The following UHRF1 variants were observed in gnomAD, a reference collection of about 807,000 sequenced individuals.
UHRF1 encodes E3 ubiquitin-protein ligase UHRF1.
UHRF1 carries 9 observed loss-of-function variants against 96.5 expected under a neutral mutation model. That is an observed-to-expected ratio of 0.09 (90% CI 0.06 to 0.16). The LOEUF (loss-of-function observed/expected upper bound fraction) is 0.16, where lower values mean the gene tolerates loss of function less well. UHRF1 is among the 10% of genes least tolerant of loss of function. The pLI is 1.00. For missense variants in UHRF1, 626 were observed against 1,131.1 expected, an observed-to-expected ratio of 0.55 and a Z score of 6.40; for synonymous variants, 455 against 469.9, an observed-to-expected ratio of 0.97 and a Z score of 0.41.
At position 4,932,837 on chromosome 19, in the gene UHRF1, G is replaced by A. The variant is rs2033098695; in HGVS notation, c.666G>A (p.Val222=). Residue 222 remains valine (V), a synonymous_variant, in exon 5 of 17, where the codon GTG becomes GTA. Coordinates refer to ENST00000650932, the MANE Select transcript of UHRF1 (RefSeq NM_001048201.3). ...GGCAGGACCTGGAGGTGGGCCAGGT[G>A]GTCATGCTCAACTACAACCCCGACA... The part of the protein sequence containing the change: ...IKWQDLEVGQ[V]VMLNYNPDNP... The A allele has an allele frequency of 1.9e-6, 3 of 1,613,770 alleles. No individual in the cohort carries two copies. Among genetic ancestry groups the A allele is most frequent in the Non-Finnish European group, 2.5e-6 (3 of 1,179,908 alleles).
chr19:4,936,931 C>A (rs1221780658), intron 5 of UHRF1, among the ~76,000 whole-genome samples: 1 of 151,974 alleles, frequency 6.6e-6, no homozygotes, highest in East Asian at 1.9e-4. Flanking sequence ...GACATTGATA[C>A]AGTCAAAAGT....
rs372765490 is a variant in UHRF1 at position 4,944,214 on chromosome 19, A to T, written c.1156A>T (p.Met386Leu). The change falls in exon 8 of 17, where the codon ATG (methionine) becomes TTG (leucine). Residue 386 changes from methionine (M) to leucine (L), a missense_variant. Physicochemically the swap from Met to Leu is conservative, Grantham distance 15 (BLOSUM62 2). Coordinates refer to ENST00000650932, the MANE Select transcript of UHRF1 (RefSeq NM_001048201.3). ...GAGAGAGAGCAAGAAGAAGGCGAAG[A>T]TGGCCTCGGCCACATCGTCCTCACA... ...RLRESKKKAK[M>L]ASATSSSQRD... The T allele has an allele frequency of 3.9e-5, 63 of 1,614,032 alleles. 1 individual carries two copies. In the African/African-American group the frequency reaches 7.9e-4, roughly 20 times the overall value.
At chr19:4,928,964 G>A (rs1042850725) in intron 2 of UHRF1, among the ~76,000 whole-genome samples, 2 of 152,200 alleles carry the variant, frequency 1.3e-5, no homozygotes, top group Admixed American at 6.5e-5. Flanking sequence ...ATGATGTTTT[G>A]TGCTTCTGGG....
At position 4,954,291 on chromosome 19, in the gene UHRF1, G is replaced by A. The variant is rs1410294760; in HGVS notation, c.1819-59G>A. 3.2e-6 allele frequency: 5 copies of A among 1,583,780 alleles called. No homozygotes were observed. Among genetic ancestry groups the A allele is most frequent in the Admixed American group, 3.7e-5 (2 of 54,328 alleles). The stretch of plus-strand genomic sequence containing the variant: ...CCTGGCAAGGAGGCTGGAAGAGCGG[G>A]CTCTGCATAGCGTGTGGGCCCCAAG... On this transcript the variant is annotated intron_variant, in intron 13 of 16. Coordinates refer to ENST00000650932, the MANE Select transcript of UHRF1 (RefSeq NM_001048201.3). The surrounding 1 kb of genome is among the most constrained non-coding windows in gnomAD (Gnocchi z 5.9).
chr19:4,923,340 C>T (rs2032763652), intron 2 of UHRF1, among the ~76,000 whole-genome samples: 1 of 152,168 alleles, frequency 6.6e-6, no homozygotes, highest in African/African-American at 2.4e-5. Context: ...TGGCCCCCAG[C>T]CACCCTGCTG....
At chr19:4,945,379 C>T (rs1376548260) in intron 9 of UHRF1, among the ~76,000 whole-genome samples, 1 of 152,188 alleles carries the variant, frequency 6.6e-6, no homozygotes, top group Non-Finnish European at 1.5e-5. Context: ...CTGCCTCAGC[C>T]TCCCCAATAG....
intron 2 of UHRF1, among the ~76,000 whole-genome samples, chr19:4,926,145 C>T (rs925155020): frequency 5.4e-5 from 8 of 149,128 alleles, no homozygotes; most frequent in Non-Finnish European, 1.2e-4. Flanking sequence ...CTGCCTGCCT[C>T]GGCCTCCCAA....
intron 2 of UHRF1, among the ~76,000 whole-genome samples, chr19:4,927,980 A>G (rs943247803): frequency 6.6e-6 from 1 of 152,138 alleles, no homozygotes; most frequent in Non-Finnish European, 1.5e-5. Flanking sequence ...CTTCCCACTC[A>G]GTGTGTGGAT....
intron 11 of UHRF1, among the ~76,000 whole-genome samples, chr19:4,948,380 A>G (rs1378531444): frequency 7.2e-5 from 11 of 152,214 alleles, no homozygotes; most frequent in African/African-American, 2.7e-4. Flanking sequence ...GATTATCTAA[A>G]CATTATAAAT....
At chr19:4,959,697 G>A (rs2033942009) in intron 16 of UHRF1, among the ~76,000 whole-genome samples, 1 of 152,040 alleles carries the variant, frequency 6.6e-6, no homozygotes, top group African/African-American at 2.4e-5. Flanking sequence ...TCATTGACGT[G>A]TATGTTTATT....
intron 2 of UHRF1, among the ~76,000 whole-genome samples, chr19:4,925,351 C>T (rs1377504366): frequency 1.3e-5 from 2 of 152,124 alleles, no homozygotes; most frequent in Non-Finnish European, 2.9e-5. Context: ...GCCTCTGTGG[C>T]TTGGCCTGTC....
At chr19:4,928,663 G>GT (rs1264387021) in intron 2 of UHRF1, among the ~76,000 whole-genome samples, 1 of 152,192 alleles carries the variant, frequency 6.6e-6, no homozygotes, top group Non-Finnish European at 1.5e-5. Flanking sequence ...GCCTCTTGCT[G>GT]TTCAGGTGGG....
At chr19:4,931,196 C>G (rs1293801631) in intron 4 of UHRF1, among the ~76,000 whole-genome samples, 1 of 152,222 alleles carries the variant, frequency 6.6e-6, no homozygotes, top group Non-Finnish European at 1.5e-5. Flanking sequence ...ACGTCAGTCT[C>G]CAGTCTTTGC....
chr19:4,909,470 C>T, upstream of UHRF1: 1 of 653,914 alleles, frequency 1.5e-6, no homozygotes, highest in Non-Finnish European at 2.8e-6. Context: ...CCCGCAACTC[C>T]CAAATGCCGA....
At chr19:4,915,434 CG>C (rs1408928839) in intron 2 of UHRF1, among the ~76,000 whole-genome samples, 5 of 152,212 alleles carry the variant, frequency 3.3e-5, no homozygotes, top group African/African-American at 1.2e-4. Flanking sequence ...ACAGGTATGG[CG>C]GGGCCCAGTG....
intron 2 of UHRF1, among the ~76,000 whole-genome samples, chr19:4,911,918 T>A (rs1322275733): frequency 6.6e-6 from 1 of 152,146 alleles, no homozygotes. Context: ...GAGCTGCGTG[T>A]ACCCCACTGT....
At chr19:4,904,464 C>T (rs536013491) in intron 1 of UHRF1, among the ~76,000 whole-genome samples, 1 of 152,180 alleles carries the variant, frequency 6.6e-6, no homozygotes, top group Non-Finnish European at 1.5e-5. Flanking sequence ...CAGGCGTGAG[C>T]CACCGCACCC....
chr19:4,932,540 A>T, intron 4 of UHRF1: 1 of 601,218 alleles, frequency 1.7e-6, no homozygotes, highest in Non-Finnish European at 2.9e-6. Context: ...CTCTTTTTGC[A>T]GGGGACACGG....
At chr19:4,959,699 A>T (rs943786655) in intron 16 of UHRF1, among the ~76,000 whole-genome samples, 1 of 151,866 alleles carries the variant, frequency 6.6e-6, no homozygotes, top group Non-Finnish European at 1.5e-5. Context: ...ATTGACGTGT[A>T]TGTTTATTTT....
Sources: gnomAD v4.1 joint callset for allele counts (sites outside exome capture counted in the v4.1 genomes callset) on GRCh38, gnomAD v4.1.1 for gene constraint, Gnocchi (gnomAD v3.1) non-coding constraint, MANE v1.5 for transcripts, NCBI Gene and HGNC (gene_info 2026-07-23, HGNC 2026-07-21) for gene names.